C20orf96: variants seen among roughly 807,000 people sequenced by gnomAD.
The protein encoded by C20orf96 is uncharacterized protein C20orf96.
Under a neutral mutation model 52.6 loss-of-function variants are expected in C20orf96, and 57 were observed. That is an observed-to-expected ratio of 1.08 (90% CI 0.88 to 1.35). The LOEUF (loss-of-function observed/expected upper bound fraction) is 1.35. Ranked by LOEUF, C20orf96 falls within the 40% of genes most tolerant of loss-of-function variation. The pLI is 0.00. For synonymous variants in C20orf96, 168 were observed against 157.2 expected (o/e 1.07, Z -0.51); for missense variants, 478 against 443.6 (o/e 1.08, Z -0.70).
In C20orf96 at chr20:271,469, CACACACACACAT is replaced by C. The variant is rs1008974515; in HGVS notation, c.1032-214_1032-203del. Among the ~76,000 whole-genome samples, 5 of 122,222 alleles carry C rather than the reference CACACACACACAT, an allele frequency of 4.1e-5. No homozygotes were observed. The South Asian group carries it at 9.2e-4, about 22-fold the overall frequency. 80.2% of individuals were successfully genotyped at this position (122,222 alleles called of 152,430 possible). A position where few individuals can be genotyped will look rare whatever the true frequency, so the allele number is the denominator to read the frequency against. ...ACACACACACACACACACACACACA[CACACACACACAT>C]ACACACACATCAAAAATGGAAAAGA... On this transcript the variant is annotated intron_variant, in intron 10 of 10. Coordinates refer to ENST00000360321, the MANE Select transcript of C20orf96 (RefSeq NM_153269.3).
rs1406292970 is a variant in C20orf96, at chr20:279,062, GGGAGGGAGGGAGGGAGGGAC to G, written c.465+90_465+109del. Reference sequence around the variant, plus strand: ...ACGGAGGGCGGGAGGGCGGGACGGAGGGAGGGAGGGAGGGAGGGACGGAGGGCGGGACGGAGGGACGGAGG... The same window carrying G: ...ACGGAGGGCGGGAGGGCGGGACGGAGGGAGGGCGGGACGGAGGGACGGAGG... On this transcript the variant is annotated intron_variant, in intron 5 of 10. Coordinates refer to ENST00000360321, the MANE Select transcript of C20orf96 (RefSeq NM_153269.3). The G allele has an allele frequency of 8.3e-4, 186 of 223,206 alleles. 30 individuals carry two copies. The highest frequency in any genetic ancestry group is 2.7e-3 in the East Asian group (15 of 5,518). The allele number at this position is 223,206 out of a possible 1,614,324, so 13.8% of individuals were successfully genotyped here.
chr20:283,643 G>A (rs1475230760), intron 4 of C20orf96, among the ~76,000 whole-genome samples: 4 of 152,046 alleles, frequency 2.6e-5, no homozygotes, highest in South Asian at 2.1e-4. Context: ...CCACTAGATC[G>A]TGTTCCTAAT....
chr20:290,722 A>T lies in C20orf96; in HGVS notation c.-112T>A. ...TGTAGATCGCGCGGTAACCCAGGCC[A>T]CTCAGAAGTCCCGAGACCCGATGCT... On this transcript the variant is annotated 5_prime_UTR_variant, in exon 1 of 11. Transcript: ENST00000360321. 1 of 1,325,864 alleles carries T rather than the reference A, an allele frequency of 7.5e-7. No homozygotes were observed. Among genetic ancestry groups the T allele is most frequent in the East Asian group, 2.4e-5 (1 of 42,194 alleles). 82.1% of individuals were successfully genotyped at this position (1,325,864 alleles called of 1,614,324 possible). A position where few individuals can be genotyped will look rare whatever the true frequency, so the allele number is the denominator to read the frequency against.
intron 6 of C20orf96, 133 bp from the exon 7 acceptor site, chr20:277,516 G>A (rs148671838): frequency 5.9e-6 from 5 of 848,798 alleles, no homozygotes; most frequent in African/African-American, 3.4e-5. Context: ...AGCTCACACA[G>A]GGCTGGGAGG....
At chr20:277,459 A>G in intron 6 of C20orf96, 76 bp from the exon 7 acceptor site, 1 of 1,501,592 alleles carries the variant, frequency 6.7e-7, no homozygotes, top group Non-Finnish European at 9.1e-7. Flanking sequence ...CAGGAGGCCC[A>G]GGAGGCAAGG....
At chr20:281,089 G>A (rs1474351887) in intron 4 of C20orf96, among the ~76,000 whole-genome samples, 3 of 152,068 alleles carry the variant, frequency 2.0e-5, no homozygotes, top group Non-Finnish European at 2.9e-5. Context: ...CCAGAAGATC[G>A]AGGCTGCAGT....
At chr20:282,350 C>T (rs2012274468) in intron 4 of C20orf96, among the ~76,000 whole-genome samples, 1 of 152,102 alleles carries the variant, frequency 6.6e-6, no homozygotes, top group African/African-American at 2.4e-5. Flanking sequence ...AATGGAAGTC[C>T]CCTAAGATCA....
intron 4 of C20orf96, among the ~76,000 whole-genome samples, chr20:279,674 T>C (rs189844178): frequency 6.6e-6 from 1 of 152,160 alleles, no homozygotes; most frequent in East Asian, 1.9e-4. Flanking sequence ...CAATGAAATA[T>C]AGAAATAATA....
At position 271,268 on chromosome 20, in the gene C20orf96, C is replaced by A. The variant is rs1450122354; in HGVS notation, c.1032-1G>T. Reference sequence around the variant, plus strand: ...GATGACATCCATGTCTGGGGTGCACCTGGTGGGAGGCAGCACAGAAGGCCA... The same window carrying A: ...GATGACATCCATGTCTGGGGTGCACATGGTGGGAGGCAGCACAGAAGGCCA... On this transcript the variant is annotated splice_acceptor_variant, in intron 10 of 10. Transcript: ENST00000360321. LOFTEE classifies it high-confidence loss of function. 1 of 1,552,938 alleles carries A rather than the reference C, an allele frequency of 6.4e-7. No individual in the cohort carries two copies. The highest frequency in any genetic ancestry group is 1.7e-4 in the Middle Eastern group (1 of 5,986).
intron 10 of C20orf96, 138 bp downstream of exon 10, chr20:275,830 G>A (rs1274507346): frequency 2.5e-6 from 2 of 791,042 alleles, no homozygotes; most frequent in Non-Finnish European, 4.3e-6. Context: ...GCAGATCCAA[G>A]GTGGAAACCC....
chr20:273,264 C>T (rs1234225275), intron 10 of C20orf96, among the ~76,000 whole-genome samples: 1 of 152,194 alleles, frequency 6.6e-6, no homozygotes, highest in Admixed American at 6.5e-5. Context: ...CATGAGCCAC[C>T]ACACCCAGCC....
chr20:276,107 G>C (rs1290615336), intron 9 of C20orf96, 21 bp from the exon 10 acceptor site: 1 of 1,605,282 alleles, frequency 6.2e-7, no homozygotes, highest in African/African-American at 1.5e-5. Context: ...AGGCACAGCA[G>C]GGGAGAAGGG....
rs2011821505 is a variant in C20orf96, at chr20:271,209, A to G, written c.1090T>C (p.Ter364GlnextTer33). 1 of 1,554,818 alleles carries G rather than the reference A, an allele frequency of 6.4e-7. No individual in the cohort carries two copies. Among genetic ancestry groups the G allele is most frequent in the Non-Finnish European group, 8.7e-7 (1 of 1,148,592 alleles). Residue 364 changes from the stop codon to glutamine, a stop_lost, in exon 11 of 11, where the codon TAG becomes CAG. Transcript: ENST00000360321. Reference protein sequence around the residue: ...NIPVEEPLPF* With the variant: ...NIPVEEPLPFQ ...AGGGCGGCCCATGGCACTGCCATCT[A>G]GAAGGGTAGTGGCTCTTCCACAGGA... is the stretch of plus-strand genomic sequence containing the variant.
At chr20:274,496 T>A (rs78896118) in intron 10 of C20orf96, among the ~76,000 whole-genome samples, 1 of 152,290 alleles carries the variant, frequency 6.6e-6, no homozygotes, top group African/African-American at 2.4e-5. Flanking sequence ...GGTTCACTAT[T>A]CAGAGGCCAA....
chr20:285,134 A>C (rs1208096784), intron 3 of C20orf96, among the ~76,000 whole-genome samples: 1 of 152,186 alleles, frequency 6.6e-6, no homozygotes, highest in Non-Finnish European at 1.5e-5. Context: ...TGGGACCACA[A>C]CACCAGACGA....
Position 277,468 on chromosome 20 carries a change from G to C in C20orf96, c.566-85C>G, listed in dbSNP as rs537362730. 1.8e-5 allele frequency: 26 copies of C among 1,421,762 alleles called. No individual in the cohort carries two copies. The East Asian group carries it at 5.9e-4, about 32-fold the overall frequency. 88.1% of individuals were successfully genotyped at this position (1,421,762 alleles called of 1,614,324 possible). A position where few individuals can be genotyped will look rare whatever the true frequency, so the allele number is the denominator to read the frequency against. ...GGGCCCCAGGAGGCCCAGGAGGCAA[G>C]GTCTCCTTGGCCAGTAACTGGGGTC... is the stretch of plus-strand genomic sequence containing the variant. On this transcript the variant is annotated intron_variant, in intron 6 of 10. Coordinates refer to ENST00000360321, the MANE Select transcript of C20orf96 (RefSeq NM_153269.3).
At chr20:289,812 T>A (rs2012491691) in intron 2 of C20orf96, 136 bp from the exon 3 acceptor site, 1 of 666,246 alleles carries the variant, frequency 1.5e-6, no homozygotes, top group Non-Finnish European at 2.7e-6. Context: ...GTGGATCTAA[T>A]AATAAAACCT....
At chr20:277,535 A>G in intron 6 of C20orf96, 152 bp from the exon 7 acceptor site, 2 of 762,804 alleles carry the variant, frequency 2.6e-6, no homozygotes, top group East Asian at 4.9e-5. Flanking sequence ...GGTGGTTAAA[A>G]GTTAAGGCTC....
chr20:290,724 T>G lies in C20orf96; in HGVS notation c.-114A>C. 7.6e-7 allele frequency: 1 copy of G among 1,315,522 alleles called. No individual in the cohort carries two copies. 81.5% of individuals were successfully genotyped at this position (1,315,522 alleles called of 1,614,324 possible). Reference sequence around the variant, plus strand: ...TAGATCGCGCGGTAACCCAGGCCACTCAGAAGTCCCGAGACCCGATGCTTT... The same window carrying G: ...TAGATCGCGCGGTAACCCAGGCCACGCAGAAGTCCCGAGACCCGATGCTTT... On this transcript the variant is annotated 5_prime_UTR_variant, in exon 1 of 11. Transcript: ENST00000360321.
Sources: gnomAD v4.1 joint callset for allele counts (sites outside exome capture counted in the v4.1 genomes callset) on GRCh38, gnomAD v4.1.1 for gene constraint, MANE v1.5 for transcripts, NCBI Gene and HGNC (gene_info 2026-07-23, HGNC 2026-07-21) for gene names.